Variants in MYO3A observed in about 807,000 individuals in gnomAD.
MYO3A encodes myosin IIIA, also known as myosin-IIIa.
A neutral mutation model predicts 192.7 loss-of-function variants in MYO3A; 180 were observed. The observed-to-expected ratio is 0.93, with a 90% CI of 0.83 to 1.06. The LOEUF (loss-of-function observed/expected upper bound fraction) is 1.06, where lower values mean the gene tolerates loss of function less well. MYO3A is among the 50% of genes least tolerant of loss of function. The pLI is 0.00. For synonymous variants in MYO3A, 628 were observed against 645.3 expected (o/e 0.97, Z 0.41); for missense variants, 1,896 against 1,905.0 (o/e 1.00, Z 0.09).
At chr10:26,062,528 A>ACAAAAAAACAAAAAAAAC (rs879434861) in intron 10 of MYO3A, among the ~76,000 whole-genome samples, 1 of 138,282 alleles carries the variant, frequency 7.2e-6, no homozygotes. Context: ...AAAAAAAAAA[A>ACAAAAAAACAAAAAAAAC]AAAAATTATG....
intron 6 of MYO3A, among the ~76,000 whole-genome samples, chr10:26,013,137 A>C (rs553922841): frequency 6.6e-6 from 1 of 152,316 alleles, no homozygotes; most frequent in East Asian, 1.9e-4. Context: ...CGATGGATCA[A>C]AGACTTAAAT....
chr10:26,161,009 A>G (rs961969313), intron 26 of MYO3A, among the ~76,000 whole-genome samples: 1 of 152,264 alleles, frequency 6.6e-6, no homozygotes, highest in Non-Finnish European at 1.5e-5. Flanking sequence ...ATTTGTAATT[A>G]TTGTGCTATT....
intron 14 of MYO3A, among the ~76,000 whole-genome samples, chr10:26,074,692 C>T (rs928790904): frequency 6.6e-6 from 1 of 150,426 alleles, no homozygotes; most frequent in African/African-American, 2.4e-5. Flanking sequence ...CCACAGGCTG[C>T]CATTTCATTT....
chr10:26,104,781 C>G (rs912526184), intron 17 of MYO3A, among the ~76,000 whole-genome samples: 1 of 151,936 alleles, frequency 6.6e-6, no homozygotes, highest in Non-Finnish European at 1.5e-5. Flanking sequence ...TACATCTGCT[C>G]TCTTTCTCCT....
chr10:26,137,889 G>A (rs1839942469), intron 20 of MYO3A, among the ~76,000 whole-genome samples: 1 of 152,160 alleles, frequency 6.6e-6, no homozygotes, highest in Non-Finnish European at 1.5e-5. Flanking sequence ...GGTCAGACTG[G>A]TTCTCTGCTC....
At chr10:25,942,520 AT>A (rs1564389912) in intron 2 of MYO3A, among the ~76,000 whole-genome samples, 1 of 152,158 alleles carries the variant, frequency 6.6e-6, no homozygotes, top group Non-Finnish European at 1.5e-5. Context: ...CTGCTGTACT[AT>A]TTTCCTCAGC....
At chr10:26,175,335 A>G (rs1842271964) in intron 30 of MYO3A, among the ~76,000 whole-genome samples, 1 of 152,230 alleles carries the variant, frequency 6.6e-6, no homozygotes. Flanking sequence ...TAGGCATTTA[A>G]CCTTCATAAA....
Position 26,120,812 on chromosome 10 carries a change from A to C in MYO3A, c.1903+10A>C. The C allele has an allele frequency of 1.2e-6, 2 of 1,613,878 alleles. No individual in the cohort carries two copies. Among genetic ancestry groups the C allele is most frequent in the Non-Finnish European group, 1.7e-6 (2 of 1,179,872 alleles). On this transcript the variant is annotated intron_variant, in intron 18 of 34. Coordinates refer to ENST00000642920, the MANE Select transcript of MYO3A (RefSeq NM_017433.5). The stretch of plus-strand genomic sequence containing the variant: ...ACAGCCCTGGAGAACTGTAAGTTTT[A>C]TTACCTTCTATTCAAAACTGAAATC...
chr10:26,128,372 G>A lies in MYO3A; in HGVS notation c.2115-19G>A. 1 of 1,609,656 alleles carries A rather than the reference G, an allele frequency of 6.2e-7. No individual in the cohort carries two copies. Among genetic ancestry groups the A allele is most frequent in the South Asian group, 1.1e-5 (1 of 90,976 alleles). ...TCTTCAGGAAATAACTCAAAATAAT[G>A]CCTCTTCAATTCTTCTAGTGGGAAT... On this transcript the variant is annotated intron_variant, in intron 19 of 34. Coordinates refer to ENST00000642920, the MANE Select transcript of MYO3A (RefSeq NM_017433.5).
At chr10:26,036,448 G>A (rs1843045118) in intron 10 of MYO3A, among the ~76,000 whole-genome samples, 1 of 151,996 alleles carries the variant, frequency 6.6e-6, no homozygotes, top group African/African-American at 2.4e-5. Flanking sequence ...ACGAGTTTTG[G>A]AGTTTGCCTA....
chr10:26,170,829 A>G (rs1052710549), intron 29 of MYO3A, among the ~76,000 whole-genome samples: 1 of 152,178 alleles, frequency 6.6e-6, no homozygotes, highest in African/African-American at 2.4e-5. Context: ...ATCCTCATCC[A>G]TATCTAAATG....
chr10:26,147,948 C>T (rs1270246273), intron 23 of MYO3A, among the ~76,000 whole-genome samples: 1 of 152,130 alleles, frequency 6.6e-6, no homozygotes, highest in Non-Finnish European at 1.5e-5. Flanking sequence ...TGTCTTTGTT[C>T]CACCCAACCA....
At chr10:26,019,997 A>C (rs1027108858) in intron 7 of MYO3A, among the ~76,000 whole-genome samples, 7 of 152,090 alleles carry the variant, frequency 4.6e-5, no homozygotes, top group African/African-American at 1.7e-4. Flanking sequence ...ACTGTGTATG[A>C]TGATGTCCCA....
intron 4 of MYO3A, among the ~76,000 whole-genome samples, chr10:25,989,153 C>A (rs1001556075): frequency 1.3e-5 from 2 of 151,524 alleles, no homozygotes; most frequent in African/African-American, 4.8e-5. Context: ...ACTGTGTTAC[C>A]CAGGCTGGTC....
intron 34 of MYO3A, among the ~76,000 whole-genome samples, chr10:26,207,769 G>A (rs1368571361): frequency 3.2e-5 from 4 of 126,652 alleles, no homozygotes; most frequent in African/African-American, 1.2e-4. Context: ...GTCTTCTGTG[G>A]TTCTATACAA....
At chr10:26,158,087 C>T (rs1309866265) in intron 26 of MYO3A, among the ~76,000 whole-genome samples, 4 of 152,090 alleles carry the variant, frequency 2.6e-5, no homozygotes, top group South Asian at 2.1e-4. Context: ...ACTTTACTCG[C>T]CTACCAAATC....
At position 26,212,002 on chromosome 10, in the gene MYO3A, G is replaced by A; in HGVS notation, c.*39G>A. ...CAGTCACCGCCGTCGGAAGGCGCTGGAGCCTGCGGGGCAGCAGGGGCCAAG... is the reference window on the plus strand; with the variant it reads ...CAGTCACCGCCGTCGGAAGGCGCTGAAGCCTGCGGGGCAGCAGGGGCCAAG... On this transcript the variant is annotated 3_prime_UTR_variant, in exon 35 of 35. Transcript: ENST00000642920. 1 of 1,602,332 alleles carries A rather than the reference G, an allele frequency of 6.2e-7. No individual in the cohort carries two copies. Among genetic ancestry groups the A allele is most frequent in the Non-Finnish European group, 8.5e-7 (1 of 1,171,974 alleles).
rs745680182 is a variant in MYO3A, at chr10:26,070,321, A to T, written c.1279A>T (p.Ile427Phe). The T allele has an allele frequency of 9.9e-6, 16 of 1,612,974 alleles. No homozygotes were observed. The change falls in exon 14 of 35, where the codon ATT becomes TTT. Residue 427 changes from isoleucine (I) to phenylalanine (F), a missense_variant. By Grantham distance (21) the Ile-to-Phe change is conservative. Coordinates refer to ENST00000642920, the MANE Select transcript of MYO3A (RefSeq NM_017433.5). ...SMITYNSDQCIVISGESGAGK... is the reference protein window; with the variant it reads ...SMITYNSDQCFVISGESGAGK... ...CAGTTTTCTTTTCTATGTATAGTGCATTGTTATTTCTGGAGAAAGTGGTGC... is the reference window on the plus strand; with the variant it reads ...CAGTTTTCTTTTCTATGTATAGTGCTTTGTTATTTCTGGAGAAAGTGGTGC...
At chr10:26,115,351 T>C (rs1295639160) in intron 17 of MYO3A, among the ~76,000 whole-genome samples, 1 of 152,168 alleles carries the variant, frequency 6.6e-6, no homozygotes, top group Non-Finnish European at 1.5e-5. Context: ...CAGATAAATA[T>C]GCAACTAAAT....
Sources: gnomAD v4.1 joint callset for allele counts (sites outside exome capture counted in the v4.1 genomes callset) on GRCh38, gnomAD v4.1.1 for gene constraint, MANE v1.5 for transcripts, NCBI Gene and HGNC (gene_info 2026-07-23, HGNC 2026-07-21) for gene names.